NCAPD3: variants seen among roughly 807,000 people sequenced by gnomAD.
The protein encoded by NCAPD3 is non-SMC condensin II complex subunit D3, also known as condensin-2 complex subunit D3.
In NCAPD3, 105 loss-of-function variants were observed where a neutral mutation model predicts 182.9. The ratio of observed to expected loss-of-function variants is 0.57; its 90% CI spans 0.49 to 0.68. NCAPD3 has a LOEUF of 0.68. Ranked by LOEUF, NCAPD3 falls within the 30% of genes least tolerant of loss-of-function variation. The pLI is 0.00. For missense variants in NCAPD3, 1,944 were observed against 1,837.0 expected, an observed-to-expected ratio of 1.06 and a Z score of -1.07; for synonymous variants, 815 against 679.9, an observed-to-expected ratio of 1.20 and a Z score of -3.09.
chr11:134,195,880 C>T (rs1293999020), intron 13 of NCAPD3, among the ~76,000 whole-genome samples: 1 of 152,100 alleles, frequency 6.6e-6, no homozygotes, highest in Admixed American at 6.5e-5. Context: ...CTGGAAAACT[C>T]CAATATACAT....
chr11:134,190,833 G>A (rs192627066), intron 16 of NCAPD3, among the ~76,000 whole-genome samples: 5 of 152,288 alleles, frequency 3.3e-5, no homozygotes, highest in South Asian at 4.1e-4. Flanking sequence ...TTTTCTGCTC[G>A]TCTCAATATG....
rs186474657 is a variant in NCAPD3, at chr11:134,176,406, C to G, written c.3022-20G>C. 2.5e-5 allele frequency: 41 copies of G among 1,609,346 alleles called. No individual in the cohort carries two copies. The Admixed American group carries it at 5.5e-4, about 22-fold the overall frequency. The stretch of plus-strand genomic sequence containing the variant: ...TTCCTCCTGTGCAGAGAGAAGCCGG[C>G]ATGTTTCAGAGTGCGTCATCATGGG... On this transcript the variant is annotated intron_variant, in intron 23 of 34. Transcript: ENST00000534548.
At position 134,204,822 on chromosome 11, in the gene NCAPD3, C is replaced by G. The variant is rs573608266; in HGVS notation, c.1089+77G>C. 1 of 1,218,118 alleles carries G rather than the reference C, an allele frequency of 8.2e-7. No homozygotes were observed. The highest frequency in any genetic ancestry group is 1.5e-5 in the African/African-American group (1 of 65,622). 75.5% of individuals were successfully genotyped at this position (1,218,118 alleles called of 1,614,324 possible). A position where few individuals can be genotyped will look rare whatever the true frequency, so the allele number is the denominator to read the frequency against. On this transcript the variant is annotated intron_variant, in intron 9 of 34. Coordinates refer to ENST00000534548, the MANE Select transcript of NCAPD3 (RefSeq NM_015261.3). The surrounding 1 kb of genome is among the most constrained non-coding windows in gnomAD (Gnocchi z 4.3). ...TCATTCCCAAGAACAAATACCCACA[C>G]TCACACACACACACACACATTTATC...
chr11:134,178,581 C>T, intron 22 of NCAPD3, 53 bp downstream of exon 22: 1 of 1,371,370 alleles, frequency 7.3e-7, no homozygotes, highest in South Asian at 1.5e-5. Context: ...TTACTTAAGA[C>T]AACAGCTACA....
intron 13 of NCAPD3, among the ~76,000 whole-genome samples, chr11:134,195,715 T>A (rs199767478): frequency 1.5e-4 from 23 of 151,026 alleles, no homozygotes; most frequent in African/African-American, 3.9e-4. Flanking sequence ...GACCCGATTT[T>A]AAAAAAAAAG....
At chr11:134,208,052 C>A (rs369505801) in intron 7 of NCAPD3, among the ~76,000 whole-genome samples, 1 of 152,248 alleles carries the variant, frequency 6.6e-6, no homozygotes, top group South Asian at 2.1e-4. Context: ...TGAAATCTAA[C>A]GCTTTAGCCA....
chr11:134,213,016 A>G (rs957886608), intron 3 of NCAPD3, among the ~76,000 whole-genome samples: 3 of 152,212 alleles, frequency 2.0e-5, no homozygotes, highest in Non-Finnish European at 2.9e-5. Context: ...TACAAAAGCA[A>G]ACATTGTCAG....
At position 134,192,805 on chromosome 11, in the gene NCAPD3, C is replaced by T. The variant is rs1023313456; in HGVS notation, c.1929G>A (p.Leu643=). Reference sequence around the variant, plus strand: ...GGATGTTCTGCAGCAGCAGCTGGTCCAGGAACTCCAGGGCCTTCTCCTGCA... The same window carrying T: ...GGATGTTCTGCAGCAGCAGCTGGTCTAGGAACTCCAGGGCCTTCTCCTGCA... ...STVQEKALEF[L]DQLLLQNIRH... is the part of the protein sequence containing the mutation. Residue 643 remains leucine (L), a synonymous_variant, in exon 16 of 35, where the codon CTG becomes CTA. Coordinates refer to ENST00000534548, the MANE Select transcript of NCAPD3 (RefSeq NM_015261.3). 3.7e-6 allele frequency: 6 copies of T among 1,614,160 alleles called. No homozygotes were observed. Among genetic ancestry groups the T allele is most frequent in the Non-Finnish European group, 5.1e-6 (6 of 1,180,018 alleles).
rs1938344016 is a variant in NCAPD3 at position 134,223,858 on chromosome 11, C to T, written c.64+5G>A. 6.2e-7 allele frequency: 1 copy of T among 1,612,268 alleles called. No individual in the cohort carries two copies. Among genetic ancestry groups the T allele is most frequent in the Non-Finnish European group, 8.5e-7 (1 of 1,179,664 alleles). ...CCCCCGGGCCTCCCGGCTGCATCTG[C>T]TCACCGAGTCTAAGATCCAGCGGAC... On this transcript the variant is annotated splice_donor_5th_base_variant and intron_variant, in intron 1 of 34. Coordinates refer to ENST00000534548, the MANE Select transcript of NCAPD3 (RefSeq NM_015261.3).
At chr11:134,158,117 G>A (rs149660325) in intron 30 of NCAPD3, 50 bp from the exon 31 acceptor site, 1 of 1,597,384 alleles carries the variant, frequency 6.3e-7, no homozygotes, top group African/African-American at 1.3e-5. Flanking sequence ...GACCACTGCA[G>A]AGGTGACAGT....
rs1338295160 is a variant in NCAPD3, at chr11:134,168,569, T to A, written c.3273A>T (p.Ser1091=). 2.5e-6 allele frequency: 4 copies of A among 1,614,184 alleles called. No homozygotes were observed. Among genetic ancestry groups the A allele is most frequent in the Non-Finnish European group, 2.5e-6 (3 of 1,180,028 alleles). The stretch of plus-strand genomic sequence containing the variant: ...AGATTTTCATTCGTCTCTCTTTGTT[T>A]GACTTTCCCTTCAATGAAAACAGCC... ...EKRLFSLKGK[S]NKERRMKIYK... Residue 1091 remains serine (S), a synonymous_variant, in exon 26 of 35, where the codon TCA becomes TCT. Coordinates refer to ENST00000534548, the MANE Select transcript of NCAPD3 (RefSeq NM_015261.3).
In NCAPD3 at chr11:134,177,333, G is replaced by T; in HGVS notation, c.2907C>A (p.Cys969Ter). The change falls in exon 23 of 35, where the codon TGC (cysteine) becomes TGA (stop). Residue 969 changes from cysteine (C) to a stop codon, truncating the protein, a stop_gained. Coordinates refer to ENST00000534548, the MANE Select transcript of NCAPD3 (RefSeq NM_015261.3). LOFTEE classifies it high-confidence loss of function. Reference sequence around the variant, plus strand: ...TGTCCACCATGATGGTGTAGCGAATGCAGAGATCGCACATTACAATGATGA... The same window carrying T: ...TGTCCACCATGATGGTGTAGCGAATTCAGAGATCGCACATTACAATGATGA... ...NNVIIVMCDL[C>*]IRYTIMVDKY... The T allele has an allele frequency of 6.2e-7, 1 of 1,614,224 alleles. No individual in the cohort carries two copies. The highest frequency in any genetic ancestry group is 8.5e-7 in the Non-Finnish European group (1 of 1,180,032).
Position 134,153,303 on chromosome 11 carries a change from G to A in NCAPD3, c.4313C>T (p.Pro1438Leu), listed in dbSNP as rs375647395. Residue 1438 changes from proline to leucine, a missense_variant, in exon 33 of 35, where the codon CCG (proline) becomes CTG (leucine). Pro to Leu is a moderately conservative substitution (Grantham distance 98). Around this residue, in one of 3 missense-constraint regions of NCAPD3, gnomAD observed 1,803 missense variants for 1,674.6 expected, o/e 1.08. Coordinates refer to ENST00000534548, the MANE Select transcript of NCAPD3 (RefSeq NM_015261.3). ...CAAGAACTTGCCTTTGGCTGACGAC[G>A]GAGTCCGTGGTGTCCCGATGTAACT... The part of the protein sequence containing the change: ...GVSYIGTPRT[P>L]SSAKEKIEGR... 1.8e-5 allele frequency: 29 copies of A among 1,614,044 alleles called. No homozygotes were observed. The highest frequency in any genetic ancestry group is 3.3e-5 in the Admixed American group (2 of 60,002).
At chr11:134,218,121 G>GGGGGGGA (rs1565560146) in intron 2 of NCAPD3, among the ~76,000 whole-genome samples, 1 of 109,148 alleles carries the variant, frequency 9.2e-6, no homozygotes, top group Non-Finnish European at 1.8e-5. Flanking sequence ...GGGGGGGGGG[G>GGGGGGGA]GAAGAAATCA....
chr11:134,155,584 AG>A (rs1188099433), intron 32 of NCAPD3, among the ~76,000 whole-genome samples: 1 of 152,216 alleles, frequency 6.6e-6, no homozygotes, highest in Non-Finnish European at 1.5e-5. Context: ...CCTCCACGCC[AG>A]GCTGCCCTGT....
In NCAPD3 at chr11:134,161,312, C is replaced by T. The variant is rs114465093; in HGVS notation, c.3684+469G>A. 6.6e-3 allele frequency among the ~76,000 whole-genome samples: 1,011 copies of T among 152,304 alleles called. 10 individuals carry two copies. The highest frequency in any genetic ancestry group is 0.023 in the African/African-American group (956 of 41,552). ...CTCCGACTGAGCTCCTCATGGTCCC[C>T]TTGCTTGACAAAGAATTCAGCCTGG... is the stretch of plus-strand genomic sequence containing the variant. On this transcript the variant is annotated intron_variant, in intron 28 of 34. Transcript: ENST00000534548.
At chr11:134,164,799 G>T (rs898114971) in intron 27 of NCAPD3, among the ~76,000 whole-genome samples, 1 of 148,058 alleles carries the variant, frequency 6.8e-6, no homozygotes, top group Admixed American at 6.7e-5. Context: ...AATGAACTTA[G>T]GGGAACTTCA....
In NCAPD3 at chr11:134,177,405, C is replaced by T; in HGVS notation, c.2835G>A (p.Leu945=). ...EDLAKKSIPA[L]VRELEVCEDV... ...CCTCACACACCTCGAGCTCTCGCACCAGGGCTGGGATGCTCTTCTTTGCCA... is the reference window on the plus strand; with the variant it reads ...CCTCACACACCTCGAGCTCTCGCACTAGGGCTGGGATGCTCTTCTTTGCCA... The change falls in exon 23 of 35, where the codon CTG becomes CTA. Residue 945 remains leucine (L), a synonymous_variant. Coordinates refer to ENST00000534548, the MANE Select transcript of NCAPD3 (RefSeq NM_015261.3). The T allele has an allele frequency of 6.2e-7, 1 of 1,614,244 alleles. No individual in the cohort carries two copies. The highest frequency in any genetic ancestry group is 8.5e-7 in the Non-Finnish European group (1 of 1,180,040).
intron 34 of NCAPD3, 42 bp from the exon 35 acceptor site, chr11:134,153,094 A>T (rs748281226): frequency 1.9e-6 from 3 of 1,612,232 alleles, no homozygotes; most frequent in East Asian, 4.5e-5. Context: ...ACTCAGAAAA[A>T]CCCTGACAGA....
Sources: gnomAD v4.1 joint callset for allele counts (sites outside exome capture counted in the v4.1 genomes callset) on GRCh38, gnomAD v4.1.1 for gene constraint, gnomAD v4.1.1 regional missense constraint, Gnocchi (gnomAD v3.1) non-coding constraint, MANE v1.5 for transcripts, NCBI Gene and HGNC (gene_info 2026-07-23, HGNC 2026-07-21) for gene names.